The following FAM53A variants were observed in gnomAD, a reference collection of about 807,000 sequenced individuals.
FAM53A encodes protein FAM53A.
Under a neutral mutation model 26.6 loss-of-function variants are expected in FAM53A, and 28 were observed. The ratio of observed to expected loss-of-function variants is 1.05; its 90% confidence interval spans 0.78 to 1.45. The LOEUF is 1.45. Among genes scored for constraint, FAM53A ranks in the 40% most tolerant of loss-of-function variants. The pLI is 0.00. For missense variants in FAM53A, 650 were observed against 575.8 expected, an observed-to-expected ratio of 1.13 and a Z score of -1.32; for synonymous variants, 290 against 253.1, an observed-to-expected ratio of 1.15 and a Z score of -1.38.
At chr4:1,602,592 G>A in the FAM53A span, among the ~76,000 whole-genome samples, 2 of 152,208 alleles carry the variant, frequency 1.3e-5, no homozygotes, top group Admixed American at 6.5e-5. Flanking sequence ...AGCAAATGTG[G>A]TTTGAAAAAT....
At chr4:1,682,077 C>G (rs890162485) in intron 1 of FAM53A, among the ~76,000 whole-genome samples, 2 of 152,100 alleles carry the variant, frequency 1.3e-5, no homozygotes, top group Admixed American at 1.3e-4. Context: ...AAGAAACCAC[C>G]CACTTCATGA....
Position 1,652,383 on chromosome 4 carries a change from T to C in FAM53A, c.882+2595A>G, listed in dbSNP as rs1454112845. Among the ~76,000 whole-genome samples the C allele has an allele frequency of 1.1e-4, 7 of 63,234 alleles. 1 individual carries two copies. Among genetic ancestry groups the C allele is most frequent in the African/African-American group, 2.2e-4 (4 of 18,078 alleles). The allele number at this position is 63,234 out of a possible 152,430, so 41.5% of individuals were successfully genotyped here. ...ACACGCACAACACACACAACACACA[T>C]CACATGCACACCACACACACCAGAC... On this transcript the variant is annotated intron_variant, in intron 4 of 4. Coordinates refer to ENST00000308132, the MANE Select transcript of FAM53A (RefSeq NM_001174070.3).
intron 4 of FAM53A, among the ~76,000 whole-genome samples, chr4:1,645,300 CGAG>C (rs1712140641): frequency 6.6e-6 from 1 of 152,230 alleles, no homozygotes; most frequent in South Asian, 2.1e-4. Flanking sequence ...GTGTGTCAGG[CGAG>C]GAGGCCAGTG....
chr4:1,600,827 C>T, the FAM53A span, among the ~76,000 whole-genome samples: 4 of 152,072 alleles, frequency 2.6e-5, no homozygotes, highest in Non-Finnish European at 5.9e-5. Context: ...ACTTCCCTGT[C>T]GCTGTGTCTT....
the FAM53A span, among the ~76,000 whole-genome samples, chr4:1,606,291 CGCCTCGGCCTCCCAAAGT>C: frequency 5.3e-5 from 8 of 151,858 alleles, no homozygotes; most frequent in African/African-American, 1.9e-4. Context: ...ATGATCCTCC[CGCCTCGGCCTCCCAAAGT>C]GCTGGGATTA....
chr4:1,649,378 A>G (rs1018535707), intron 4 of FAM53A, among the ~76,000 whole-genome samples: 2 of 152,246 alleles, frequency 1.3e-5, no homozygotes, highest in Middle Eastern at 3.2e-3. Context: ...GCCAGCATCA[A>G]TGCTAACACC....
At chr4:1,652,534 T>C (rs1336213987) in intron 4 of FAM53A, among the ~76,000 whole-genome samples, 2 of 118,058 alleles carry the variant, frequency 1.7e-5, no homozygotes, top group African/African-American at 6.8e-5. Flanking sequence ...TACTCTACCA[T>C]ACACACAGGC....
chr4:1,599,379 G>T, the FAM53A span, among the ~76,000 whole-genome samples: 1 of 152,228 alleles, frequency 6.6e-6, no homozygotes, highest in East Asian at 1.9e-4. This position sits in a 1 kb window ranked among gnomAD's most constrained non-coding sequence, Gnocchi z 6.1. Flanking sequence ...GCCCATCGGG[G>T]GCAGGGCATG....
intron 2 of FAM53A, among the ~76,000 whole-genome samples, chr4:1,664,062 G>C (rs1187412962): frequency 6.6e-6 from 1 of 152,096 alleles, no homozygotes; most frequent in Non-Finnish European, 1.5e-5. Flanking sequence ...GCACCCTATG[G>C]GGAAAAGGGA....
chr4:1,594,621 T>C, the FAM53A span, among the ~76,000 whole-genome samples: 1 of 152,176 alleles, frequency 6.6e-6, no homozygotes, highest in Non-Finnish European at 1.5e-5. Flanking sequence ...GGCAGGCAGA[T>C]TGCTTGGGGT....
At chr4:1,650,273 TTGAC>T (rs1273320902) in intron 4 of FAM53A, among the ~76,000 whole-genome samples, 6 of 141,956 alleles carry the variant, frequency 4.2e-5, no homozygotes, top group East Asian at 2.2e-4. Flanking sequence ...GGCGTGGCGT[TTGAC>T]TGTGAGGTGG....
chr4:1,643,346 G>A (rs531969786), intron 4 of FAM53A, among the ~76,000 whole-genome samples: 4 of 151,904 alleles, frequency 2.6e-5, no homozygotes, highest in East Asian at 3.9e-4. Context: ...GGCGCCTGTA[G>A]TCCCAGCTAC....
At chr4:1,600,365 C>T in the FAM53A span, among the ~76,000 whole-genome samples, 71 of 152,200 alleles carry the variant, frequency 4.7e-4, no homozygotes, top group Middle Eastern at 3.4e-3. Flanking sequence ...TTCCCCAGGC[C>T]GAATGAACCA....
chr4:1,578,894 A>G, the FAM53A span, among the ~76,000 whole-genome samples: 54 of 25,886 alleles, frequency 2.1e-3, 2 homozygotes, highest in African/African-American at 9.3e-3. Flanking sequence ...GGGAGAGAAG[A>G]GGGGGAGGGG....
intron 1 of FAM53A, among the ~76,000 whole-genome samples, chr4:1,631,186 C>A (rs750648491): frequency 1.3e-5 from 2 of 152,248 alleles, no homozygotes; most frequent in Non-Finnish European, 2.9e-5. Flanking sequence ...GAGAGGCATA[C>A]GACTTGGAGC....
the FAM53A span, among the ~76,000 whole-genome samples, chr4:1,576,668 C>T: frequency 6.6e-6 from 1 of 152,236 alleles, no homozygotes; most frequent in Non-Finnish European, 1.5e-5. Context: ...GTCGAAGAGG[C>T]GGCAGCGGTG....
At chr4:1,624,412 C>T (rs1437953988) in intron 1 of FAM53A, among the ~76,000 whole-genome samples, 5 of 152,166 alleles carry the variant, frequency 3.3e-5, no homozygotes, top group African/African-American at 7.2e-5. Flanking sequence ...CAGAAAGCGC[C>T]GTGACCCCCC....
chr4:1,672,024 C>CACCCAGGAACCCATAAACCCAGAT (rs1714695713), intron 1 of FAM53A, among the ~76,000 whole-genome samples: 2 of 149,922 alleles, frequency 1.3e-5, no homozygotes, highest in South Asian at 4.3e-4. Context: ...TGAACACAGG[C>CACCCAGGAACCCATAAACCCAGAT]ACCCAGGAAC....
the FAM53A span, among the ~76,000 whole-genome samples, chr4:1,595,487 T>C: frequency 7.2e-3 from 1,103 of 152,186 alleles, 5 homozygotes; most frequent in Non-Finnish European, 0.012. Flanking sequence ...GCTGGGCACA[T>C]CAGAAACCAC....
Sources: gnomAD v4.1 joint callset for allele counts (sites outside exome capture counted in the v4.1 genomes callset) on GRCh38, gnomAD v4.1.1 for gene constraint, Gnocchi (gnomAD v3.1) non-coding constraint, MANE v1.5 for transcripts, NCBI Gene and HGNC (gene_info 2026-07-23, HGNC 2026-07-21) for gene names.